Variants in NAV2 observed in about 807,000 individuals in gnomAD.
NAV2 encodes helicase, APC down-regulated 1.
NAV2 carries 54 observed loss-of-function variants against 223.2 expected under a neutral mutation model. That is an observed-to-expected ratio of 0.24 (90% CI 0.19 to 0.30). NAV2 has a LOEUF of 0.30. NAV2 is among the 10% of genes least tolerant of loss of function. The pLI, the probability that NAV2 is intolerant of heterozygous loss-of-function variation, is 1.00. For missense variants in NAV2, 2,806 were observed against 3,147.5 expected (o/e 0.89, Z 2.60); for synonymous variants, 1,279 against 1,239.3 (o/e 1.03, Z -0.67).
chr11:20,044,896 A>G, intron 13 of NAV2, 72 bp from the exon 14 acceptor site: 1 of 1,272,350 alleles, frequency 7.9e-7, no homozygotes, highest in Non-Finnish European at 1.1e-6. Context: ...AGAGGAGGAG[A>G]GCATCTTAAA....
chr11:19,413,428 A>C (rs1429717823), intron 1 of NAV2, among the ~76,000 whole-genome samples: 1 of 152,212 alleles, frequency 6.6e-6, no homozygotes, highest in Non-Finnish European at 1.5e-5. Flanking sequence ...GACTATGTGA[A>C]AAGACCAAAC....
chr11:19,682,078 A>G (rs2048894613), intron 1 of NAV2, among the ~76,000 whole-genome samples: 1 of 152,158 alleles, frequency 6.6e-6, no homozygotes, highest in African/African-American at 2.4e-5. Context: ...CCAGAGCATC[A>G]GGCACAGCAC....
intron 1 of NAV2, among the ~76,000 whole-genome samples, chr11:19,484,937 C>T (rs941772955): frequency 2.0e-5 from 3 of 152,214 alleles, no homozygotes; most frequent in African/African-American, 7.2e-5. Flanking sequence ...TGCAGTTCCT[C>T]AGATGTAGAA....
chr11:19,476,875 A>C (rs553042417), intron 1 of NAV2, among the ~76,000 whole-genome samples: 22 of 152,312 alleles, frequency 1.4e-4, no homozygotes, highest in African/African-American at 5.3e-4. Flanking sequence ...GGGTCAGGGC[A>C]TCTTGCCCTG....
intron 1 of NAV2, among the ~76,000 whole-genome samples, chr11:19,440,810 C>G (rs1039477445): frequency 6.6e-6 from 1 of 152,132 alleles, no homozygotes; most frequent in Non-Finnish European, 1.5e-5. Context: ...TAACCTTCAC[C>G]CTCCCTCAAC....
intron 1 of NAV2, among the ~76,000 whole-genome samples, chr11:19,421,764 CT>C (rs373669949): frequency 0.013 from 1,061 of 84,470 alleles, no homozygotes; most frequent in African/African-American, 0.048. Context: ...AAGAGAGAGG[CT>C]TTTTTTTTTT....
Position 19,811,226 on chromosome 11 carries a change from T to C in NAV2, c.268-21258T>C, listed in dbSNP as rs1590672626. Among the ~76,000 whole-genome samples the C allele has an allele frequency of 2.0e-5, 3 of 152,148 alleles. No individual in the cohort carries two copies. In the East Asian group the frequency reaches 5.8e-4, roughly 29 times the overall value. ...CTTTCTGTTGTGGAGTTCCTGCTGG[T>C]AGGAAGCCTCTTGTCTTCTGCTTTG... On this transcript the variant is annotated intron_variant, in intron 1 of 37. Transcript: ENST00000349880.
chr11:20,033,173 A>G (rs2055957887), intron 11 of NAV2, among the ~76,000 whole-genome samples: 1 of 152,154 alleles, frequency 6.6e-6, no homozygotes, highest in African/African-American at 2.4e-5. Context: ...TTCAGCCTCT[A>G]TTTCTTCATT....
intron 29 of NAV2, among the ~76,000 whole-genome samples, chr11:20,094,840 C>T (rs2061133428): frequency 1.3e-5 from 2 of 152,194 alleles, no homozygotes; most frequent in Admixed American, 1.3e-4. Flanking sequence ...CGCCATATGA[C>T]ACCTCCCCCA....
intron 1 of NAV2, among the ~76,000 whole-genome samples, chr11:19,599,470 A>G (rs561590267): frequency 7.2e-5 from 11 of 152,180 alleles, no homozygotes; most frequent in Non-Finnish European, 1.0e-4. Context: ...GCTCCACTTC[A>G]TCTCAGACAC....
At chr11:19,379,309 G>A (rs1183748497) in intron 1 of NAV2, among the ~76,000 whole-genome samples, 5 of 152,140 alleles carry the variant, frequency 3.3e-5, no homozygotes, top group Non-Finnish European at 7.4e-5. Context: ...AAGTCAGAGG[G>A]GTCAGAGAGA....
intron 1 of NAV2, among the ~76,000 whole-genome samples, chr11:19,448,128 A>G (rs1181400405): frequency 6.6e-6 from 1 of 152,144 alleles, no homozygotes; most frequent in Non-Finnish European, 1.5e-5. Context: ...GAGCTATAAA[A>G]GCACCCCACC....
At chr11:19,529,247 T>A (rs1382556865) in intron 1 of NAV2, among the ~76,000 whole-genome samples, 2 of 152,254 alleles carry the variant, frequency 1.3e-5, no homozygotes, top group African/African-American at 4.8e-5. Context: ...CTGAAGTTAC[T>A]GAGTTAGTCA....
intron 1 of NAV2, among the ~76,000 whole-genome samples, chr11:19,543,552 A>T (rs1314983849): frequency 1.3e-5 from 2 of 152,130 alleles, no homozygotes; most frequent in African/African-American, 2.4e-5. Flanking sequence ...TCAGAATGGC[A>T]TAGGGATTAA....
At position 19,612,405 on chromosome 11, in the gene NAV2, A is replaced by G. The variant is rs151182187; in HGVS notation, c.76-220079A>G. Among the ~76,000 whole-genome samples, 1,372 of 152,252 alleles carry G rather than the reference A, an allele frequency of 9.0e-3. 22 individuals are homozygous for G. Among genetic ancestry groups the G allele is most frequent in the African/African-American group, 0.031 (1,276 of 41,544 alleles). On this transcript the variant is annotated intron_variant, in intron 1 of 37. Coordinates refer to the NAV2 transcript ENST00000360655. ...CCCAGACAGTGGGTTTTTCTTTTCT[A>G]TCACATAGTCAGGCTGCAAATTTTC...
intron 1 of NAV2, among the ~76,000 whole-genome samples, chr11:19,412,629 G>A (rs1040388491): frequency 7.9e-5 from 12 of 152,326 alleles, no homozygotes; most frequent in Non-Finnish European, 1.8e-4. Flanking sequence ...TCCTGACTGG[G>A]AGACACCTCC....
At chr11:19,669,426 C>T (rs2048516520) in intron 1 of NAV2, among the ~76,000 whole-genome samples, 2 of 152,244 alleles carry the variant, frequency 1.3e-5, no homozygotes, top group Non-Finnish European at 2.9e-5. Flanking sequence ...CTTACCCTCT[C>T]TGTGCTCAAT....
At chr11:20,049,285 C>T in intron 15 of NAV2, 90 bp downstream of exon 15, 2 of 979,100 alleles carry the variant, frequency 2.0e-6, no homozygotes, top group South Asian at 1.6e-5. Context: ...GTCGAATAGC[C>T]TTTGCCTGTA....
At chr11:19,355,107 T>C (rs923919532) in intron 1 of NAV2, among the ~76,000 whole-genome samples, 1 of 152,208 alleles carries the variant, frequency 6.6e-6, no homozygotes, top group Non-Finnish European at 1.5e-5. Context: ...ATTGGCGAAG[T>C]AAAATTTTCC....
Sources: allele counts gnomAD v4.1 joint callset (sites outside exome capture counted in the v4.1 genomes callset), GRCh38; gene constraint gnomAD v4.1.1; transcripts MANE v1.5; gene names NCBI Gene and HGNC (gene_info 2026-07-23, HGNC 2026-07-21).